The following PLD1 variants were observed in gnomAD, a reference collection of about 807,000 sequenced individuals.
PLD1 encodes the protein phospholipase D1.
Under a neutral mutation model 137.1 loss-of-function variants are expected in PLD1, and 112 were observed. The observed-to-expected ratio is 0.82, with a 90% CI of 0.70 to 0.96. The LOEUF (loss-of-function observed/expected upper bound fraction) is 0.96. Ranked by LOEUF, PLD1 falls within the 40% of genes least tolerant of loss-of-function variation. The probability of loss-of-function intolerance (pLI) is 0.00; values close to 1 mark genes in which losing one functional copy is unlikely to be tolerated. For missense variants in PLD1, 1,321 were observed against 1,342.0 expected (o/e 0.98, Z 0.24); for synonymous variants, 431 against 454.7 (o/e 0.95, Z 0.66).
At chr3:171,646,558 A>G (rs1188089970) in intron 21 of PLD1, among the ~76,000 whole-genome samples, 1 of 152,110 alleles carries the variant, frequency 6.6e-6, no homozygotes, top group Non-Finnish European at 1.5e-5. Context: ...TAGATGGCAA[A>G]CATAGTTTGA....
chr3:171,737,106 C>A (rs1578384464), intron 3 of PLD1, among the ~76,000 whole-genome samples: 1 of 152,122 alleles, frequency 6.6e-6, no homozygotes, highest in African/African-American at 2.4e-5. Context: ...TTCTTAAGAG[C>A]CAGGTAGCAC....
chr3:171,767,021 C>G (rs1291501061), intron 1 of PLD1, among the ~76,000 whole-genome samples: 1 of 152,096 alleles, frequency 6.6e-6, no homozygotes, highest in Non-Finnish European at 1.5e-5. Context: ...TTAAGGAAAC[C>G]TTCAAGACTG....
intron 21 of PLD1, among the ~76,000 whole-genome samples, chr3:171,650,193 A>G (rs368921425): frequency 8.5e-5 from 13 of 152,126 alleles, no homozygotes; most frequent in African/African-American, 3.1e-4. Context: ...AAATAAGAGC[A>G]AGACTCAGGG....
At chr3:171,668,421 T>C (rs916379420) in intron 19 of PLD1, among the ~76,000 whole-genome samples, 2 of 152,254 alleles carry the variant, frequency 1.3e-5, no homozygotes, top group African/African-American at 2.4e-5. Context: ...TTGCTGTCCT[T>C]TCAGATCTAA....
chr3:171,726,577 A>G (rs1178095173), intron 6 of PLD1, among the ~76,000 whole-genome samples: 2 of 152,220 alleles, frequency 1.3e-5, no homozygotes, highest in Non-Finnish European at 2.9e-5. Context: ...GTTACAGTGA[A>G]TAAGATGAAG....
intron 23 of PLD1, among the ~76,000 whole-genome samples, chr3:171,640,248 G>A (rs982646704): frequency 6.6e-6 from 1 of 151,420 alleles, no homozygotes; most frequent in African/African-American, 2.4e-5. Flanking sequence ...AAAATGTAAG[G>A]TTAGGTTATT....
intron 23 of PLD1, among the ~76,000 whole-genome samples, chr3:171,628,268 G>T (rs1430276914): frequency 6.6e-6 from 1 of 152,188 alleles, no homozygotes; most frequent in African/African-American, 2.4e-5. Context: ...TAGAAGAAAT[G>T]GATAAATTCC....
intron 1 of PLD1, among the ~76,000 whole-genome samples, chr3:171,751,802 C>CATCCT (rs1211580075): frequency 2.0e-5 from 3 of 152,080 alleles, no homozygotes; most frequent in African/African-American, 7.2e-5. Flanking sequence ...AGATCGAGAC[C>CATCCT]ATCCTGGCTA....
intron 21 of PLD1, among the ~76,000 whole-genome samples, chr3:171,648,327 G>A (rs192473992): frequency 1.3e-5 from 2 of 152,188 alleles, no homozygotes; most frequent in Admixed American, 1.3e-4. Flanking sequence ...CAAAATGTAA[G>A]AGGTAGATGA....
intron 1 of PLD1, among the ~76,000 whole-genome samples, chr3:171,749,571 C>T (rs1720509570): frequency 6.6e-6 from 1 of 152,100 alleles, no homozygotes; most frequent in Non-Finnish European, 1.5e-5. Context: ...ATTACATATT[C>T]TGGAATATAT....
chr3:171,729,525 A>G (rs1176871705), intron 6 of PLD1, among the ~76,000 whole-genome samples: 1 of 152,190 alleles, frequency 6.6e-6, no homozygotes, highest in Non-Finnish European at 1.5e-5. Flanking sequence ...TTTATTTACC[A>G]GGTAGCAAAA....
chr3:171,774,571 A>G (rs1722526733), intron 1 of PLD1, among the ~76,000 whole-genome samples: 1 of 152,184 alleles, frequency 6.6e-6, no homozygotes, highest in Admixed American at 6.5e-5. Flanking sequence ...GGTAAGTAGG[A>G]GGAATGAGGC....
chr3:171,676,780 C>T lies in PLD1; in HGVS notation c.2050G>A (p.Ala684Thr). ...TCACGAGCCGCCTTCCCGTGGACTG[C>T]AGAGGCAATGTCATGCCAGGGCATC... ...PRMPWHDIASAVHGKAARDVA... is the reference protein window; with the variant it reads ...PRMPWHDIASTVHGKAARDVA... The change falls in exon 18 of 27, where the codon GCA (alanine) becomes ACA (threonine). Residue 684 changes from alanine (A) to threonine (T), a missense_variant. Coordinates refer to ENST00000351298, the MANE Select transcript of PLD1 (RefSeq NM_002662.5). 1.9e-6 allele frequency: 3 copies of T among 1,614,208 alleles called. No homozygotes were observed. The highest frequency in any genetic ancestry group is 2.5e-6 in the Non-Finnish European group (3 of 1,180,026).
At chr3:171,806,134 T>A (rs1019498303) in intron 1 of PLD1, among the ~76,000 whole-genome samples, 8 of 152,234 alleles carry the variant, frequency 5.3e-5, no homozygotes, top group African/African-American at 7.2e-5. Context: ...CTTAGATGAG[T>A]GCAAGGCACA....
intron 1 of PLD1, among the ~76,000 whole-genome samples, chr3:171,800,996 C>T (rs1384260674): frequency 2.0e-5 from 3 of 152,222 alleles, no homozygotes; most frequent in African/African-American, 7.2e-5. Context: ...GACAAATATT[C>T]ATACCACTGT....
At chr3:171,651,476 G>A (rs540543507) in intron 21 of PLD1, among the ~76,000 whole-genome samples, 1 of 152,148 alleles carries the variant, frequency 6.6e-6, no homozygotes, top group African/African-American at 2.4e-5. Flanking sequence ...AGATCCTTCT[G>A]GGCTTCAGTT....
chr3:171,653,386 T>C (rs1164857204), intron 21 of PLD1: 1 of 152,198 alleles, frequency 6.6e-6, no homozygotes, highest in East Asian at 1.9e-4. Context: ...ATACATTTTG[T>C]TTTACTTTAT....
intron 23 of PLD1, among the ~76,000 whole-genome samples, chr3:171,633,439 AC>A (rs1734844276): frequency 6.6e-6 from 1 of 152,136 alleles, no homozygotes; most frequent in Non-Finnish European, 1.5e-5. Flanking sequence ...CCCAGGACAT[AC>A]CTGTTGTGAA....
chr3:171,719,291 T>C (rs774691078), intron 8 of PLD1, among the ~76,000 whole-genome samples: 3 of 152,232 alleles, frequency 2.0e-5, no homozygotes, highest in Non-Finnish European at 4.4e-5. Flanking sequence ...TGTCTTGATT[T>C]AGCTTCTTTG....
Sources: gnomAD v4.1 joint callset for allele counts (sites outside exome capture counted in the v4.1 genomes callset) on GRCh38, gnomAD v4.1.1 for gene constraint, MANE v1.5 for transcripts, NCBI Gene and HGNC (gene_info 2026-07-23, HGNC 2026-07-21) for gene names.